The following MEF2C variants were observed in gnomAD, a reference collection of about 807,000 sequenced individuals.
The protein encoded by MEF2C is myocyte-specific enhancer factor 2C.
MEF2C carries 6 observed loss-of-function variants against 50.5 expected under a neutral mutation model. The ratio of observed to expected loss-of-function variants is 0.12; its 90% CI spans 0.07 to 0.23. MEF2C has a LOEUF of 0.23. Among genes scored for constraint, MEF2C ranks in the 10% least tolerant of loss-of-function variants. The pLI is 1.00. For synonymous variants in MEF2C, 183 were observed against 228.0 expected (o/e 0.80, Z 1.78); for missense variants, 276 against 605.0 (o/e 0.46, Z 5.70).
At chr5:88,839,138 GTA>G in intron 1 of MEF2C, 1 of 152,154 alleles carries the variant, frequency 6.6e-6, no homozygotes, top group Admixed American at 6.6e-5. Flanking sequence ...AATCGTGTGT[GTA>G]TATATATATT....
chr5:88,722,976 C>A, intron 10 of MEF2C, 51 bp from the exon 11 acceptor site: 1 of 1,415,864 alleles, frequency 7.1e-7, no homozygotes, highest in East Asian at 2.5e-5. Flanking sequence ...CTGGAGGCCC[C>A]AGGAACTCAC....
At chr5:88,808,535 A>G (rs1042573554) in intron 2 of MEF2C, among the ~76,000 whole-genome samples, 7 of 152,166 alleles carry the variant, frequency 4.6e-5, no homozygotes, top group African/African-American at 1.4e-4. Flanking sequence ...ATACCCATCA[A>G]AGAAGTCAGT....
chr5:88,800,537 C>T (rs1797921445), intron 3 of MEF2C, among the ~76,000 whole-genome samples: 1 of 152,188 alleles, frequency 6.6e-6, no homozygotes, highest in Non-Finnish European at 1.5e-5. Flanking sequence ...GTGGGATCTG[C>T]ATCTTCAGAT....
rs1761753278 is a variant in MEF2C, at chr5:88,731,740, T to A, written c.799A>T (p.Met267Leu). Residue 267 changes from methionine to leucine, a missense_variant, in exon 7 of 11, where the codon ATG becomes TTG. By Grantham distance (15) the Met-to-Leu change is conservative (BLOSUM62 2). Transcript: ENST00000504921. ...TAGTTTTGTATTACCACTGATGGCA[T>A]CGTATTCTTGCTGCCTGGTGGAATA... ...VLIPPGSKNTMPSVSEDVDLL... is the reference protein window; with the variant it reads ...VLIPPGSKNTLPSVSEDVDLL... 1 of 1,613,018 alleles carries A rather than the reference T, an allele frequency of 6.2e-7. No individual in the cohort carries two copies. The highest frequency in any genetic ancestry group is 2.2e-5 in the East Asian group (1 of 44,866).
intron 1 of MEF2C, among the ~76,000 whole-genome samples, chr5:88,879,595 A>G (rs909225206): frequency 6.6e-6 from 1 of 152,040 alleles, no homozygotes; most frequent in African/African-American, 2.4e-5. Flanking sequence ...TGCTCTTTAT[A>G]ACGCCTCTGA....
At chr5:88,740,808 A>G (rs1025025243) in intron 6 of MEF2C, 1 of 985,384 alleles carries the variant, frequency 1.0e-6, no homozygotes, top group Non-Finnish European at 1.2e-6. Context: ...TATGAATGAT[A>G]GATTTATGAC....
At chr5:88,886,281 ATTC>A (rs776077954), upstream of MEF2C, among the ~76,000 whole-genome samples, 52 of 152,318 alleles carry the variant, frequency 3.4e-4, no homozygotes, top group South Asian at 1.0e-3. Context: ...TGTGCTTTGT[ATTC>A]TTTAAATACT....
chr5:88,871,962 A>G (rs1322356476), intron 1 of MEF2C, among the ~76,000 whole-genome samples: 1 of 152,026 alleles, frequency 6.6e-6, no homozygotes, highest in African/African-American at 2.4e-5. Context: ...TAAAAAATGC[A>G]TTTCATCTTT....
At chr5:88,846,887 T>C (rs1197297639) in intron 1 of MEF2C, among the ~76,000 whole-genome samples, 1 of 152,240 alleles carries the variant, frequency 6.6e-6, no homozygotes, top group Non-Finnish European at 1.5e-5. Context: ...TATTCTACTT[T>C]GAAAATTGAA....
chr5:88,795,189 T>C (rs1197637974), intron 3 of MEF2C, among the ~76,000 whole-genome samples: 1 of 152,142 alleles, frequency 6.6e-6, no homozygotes, highest in Non-Finnish European at 1.5e-5. Context: ...AGAAAGTCAA[T>C]GGTAGCTTGA....
intron 1 of MEF2C, among the ~76,000 whole-genome samples, chr5:88,841,919 T>G (rs932595494): frequency 6.6e-6 from 1 of 152,230 alleles, no homozygotes; most frequent in Admixed American, 6.5e-5. Flanking sequence ...TTAAACAAAT[T>G]CATAAAAATC....
At chr5:88,838,980 T>A (rs1401007265) in intron 1 of MEF2C, among the ~76,000 whole-genome samples, 3 of 152,180 alleles carry the variant, frequency 2.0e-5, no homozygotes, top group Non-Finnish European at 4.4e-5. Context: ...ATATACTAAT[T>A]GTATAAGAAC....
At chr5:88,787,412 G>A (rs1791476311) in intron 3 of MEF2C, among the ~76,000 whole-genome samples, 1 of 151,578 alleles carries the variant, frequency 6.6e-6, no homozygotes, top group Non-Finnish European at 1.5e-5. Flanking sequence ...CCTCATGACA[G>A]CCCCGTAAGG....
intron 3 of MEF2C, among the ~76,000 whole-genome samples, chr5:88,792,784 G>A (rs1447604164): frequency 6.6e-6 from 1 of 152,160 alleles, no homozygotes; most frequent in Non-Finnish European, 1.5e-5. Context: ...ATATTGGAGA[G>A]TATGGACCTA....
At chr5:88,733,316 G>C in intron 6 of MEF2C, 2 of 985,384 alleles carry the variant, frequency 2.0e-6, no homozygotes, top group Non-Finnish European at 2.4e-6. Context: ...CCCGTGAAAA[G>C]AGAGGGGTGT....
At chr5:88,824,467 TC>T (rs1809956713) in intron 1 of MEF2C, 1 of 536,864 alleles carries the variant, frequency 1.9e-6, no homozygotes, top group Middle Eastern at 9.5e-4. Flanking sequence ...TAAATCTAAA[TC>T]CTTTAATCTT....
chr5:88,851,431 G>A (rs1334306410), intron 1 of MEF2C, among the ~76,000 whole-genome samples: 3 of 151,972 alleles, frequency 2.0e-5, no homozygotes, highest in African/African-American at 7.2e-5. Flanking sequence ...CATTGTTCAA[G>A]GGTCAATTGT....
intron 1 of MEF2C, among the ~76,000 whole-genome samples, chr5:88,861,184 T>G (rs905531927): frequency 1.6e-4 from 25 of 152,264 alleles, no homozygotes; most frequent in Admixed American, 1.4e-3. Context: ...CAAAGATGTT[T>G]CAAAGTTGTA....
intron 1 of MEF2C, among the ~76,000 whole-genome samples, chr5:88,861,589 T>C (rs1429985772): frequency 6.6e-6 from 1 of 152,196 alleles, no homozygotes; most frequent in Non-Finnish European, 1.5e-5. Flanking sequence ...AATAGATTTA[T>C]AAGTTAAAAT....
Sources: gnomAD v4.1 joint callset for allele counts (sites outside exome capture counted in the v4.1 genomes callset) on GRCh38, gnomAD v4.1.1 for gene constraint, MANE v1.5 for transcripts, NCBI Gene and HGNC (gene_info 2026-07-23, HGNC 2026-07-21) for gene names.